The following MECOM variants were observed in gnomAD, a reference collection of about 807,000 sequenced individuals.
MECOM encodes the protein histone-lysine N-methyltransferase MECOM.
Under a neutral mutation model 116.3 loss-of-function variants are expected in MECOM, and 13 were observed. The ratio of observed to expected loss-of-function variants is 0.11; its 90% CI spans 0.07 to 0.18. MECOM has a LOEUF of 0.18. Ranked by LOEUF, MECOM falls within the 10% of genes least tolerant of loss-of-function variation. The pLI, the probability that MECOM is intolerant of heterozygous loss-of-function variation, is 1.00. For missense variants in MECOM, 1,299 were observed against 1,509.0 expected, an observed-to-expected ratio of 0.86 and a Z score of 2.31; for synonymous variants, 528 against 535.2, an observed-to-expected ratio of 0.99 and a Z score of 0.19.
chr3:169,391,130 G>T (rs147987594), intron 1 of MECOM, among the ~76,000 whole-genome samples: 1 of 152,260 alleles, frequency 6.6e-6, no homozygotes, highest in Admixed American at 6.5e-5. Flanking sequence ...TTGTAGCAAT[G>T]GCTTGCTGGT....
chr3:169,597,200 A>C (rs1767242390), intron 1 of MECOM, among the ~76,000 whole-genome samples: 2 of 152,236 alleles, frequency 1.3e-5, no homozygotes, highest in Admixed American at 1.3e-4. Context: ...TACAGTAATA[A>C]TGCAATCCAC....
intron 11 of MECOM, among the ~76,000 whole-genome samples, 169 bp from the exon 12 acceptor site, chr3:169,101,131 A>G (rs1295199534): frequency 6.6e-6 from 1 of 150,998 alleles, no homozygotes; most frequent in African/African-American, 2.4e-5. Flanking sequence ...ATTAATATAA[A>G]TAACTCTACA....
At chr3:169,482,432 A>C (rs7615105) in intron 1 of MECOM, among the ~76,000 whole-genome samples, 10,625 of 151,078 alleles carry the variant, frequency 0.07, 639 homozygotes, top group East Asian at 0.25. Flanking sequence ...TCCGGGTTCA[A>C]GCCATTCTCC....
At chr3:169,322,073 C>T (rs223101) in intron 2 of MECOM, among the ~76,000 whole-genome samples, 55 of 152,278 alleles carry the variant, frequency 3.6e-4, no homozygotes, top group Admixed American at 1.4e-3. Flanking sequence ...ATGTGGCACC[C>T]CTTGTCAACA....
At chr3:169,097,341 G>A (rs935832579) in intron 12 of MECOM, among the ~76,000 whole-genome samples, 2 of 151,882 alleles carry the variant, frequency 1.3e-5, no homozygotes, top group African/African-American at 4.8e-5. Context: ...GTCTTGGCCA[G>A]AAAAAGAATG....
chr3:169,224,268 G>A (rs1276471829), intron 2 of MECOM, among the ~76,000 whole-genome samples: 1 of 152,164 alleles, frequency 6.6e-6, no homozygotes, highest in Non-Finnish European at 1.5e-5. Context: ...AAGGGGCCAA[G>A]GAGTATCTGT....
intron 1 of MECOM, among the ~76,000 whole-genome samples, chr3:169,515,288 C>T (rs554444808): frequency 1.3e-5 from 2 of 152,212 alleles, no homozygotes; most frequent in African/African-American, 4.8e-5. Context: ...TCCCAACTCA[C>T]TCACTCCATT....
chr3:169,296,559 G>T (rs1715643565), intron 2 of MECOM, among the ~76,000 whole-genome samples: 1 of 152,144 alleles, frequency 6.6e-6, no homozygotes, highest in Non-Finnish European at 1.5e-5. Context: ...AGCTACATGG[G>T]CAGAGTTTTC....
chr3:169,373,697 A>C lies in MECOM; in HGVS notation c.375+7490T>G, dbSNP rs1380377901. The stretch of plus-strand genomic sequence containing the variant: ...TGAGGCAGTTATTATTGACCCATTG[A>C]CCAAATAAAAAGCAGGGACCATTCA... On this transcript the variant is annotated intron_variant, in intron 2 of 16. Coordinates refer to ENST00000651503, the MANE Select transcript of MECOM (RefSeq NM_004991.4). Among the ~76,000 whole-genome samples the C allele has an allele frequency of 2.6e-5, 4 of 151,970 alleles. No homozygotes were observed. The East Asian group carries it at 7.7e-4, about 29-fold the overall frequency.
intron 3 of MECOM, among the ~76,000 whole-genome samples, chr3:169,139,821 AAGG>A (rs1411235144): frequency 6.6e-6 from 1 of 152,006 alleles, no homozygotes; most frequent in Non-Finnish European, 1.5e-5. Context: ...AGACTTATCA[AAGG>A]ATGGAGAGAG....
At chr3:169,559,019 A>G (rs1762344355) in intron 1 of MECOM, among the ~76,000 whole-genome samples, 1 of 148,346 alleles carries the variant, frequency 6.7e-6, no homozygotes, top group Non-Finnish European at 1.5e-5. Context: ...AAGCATCTAC[A>G]CACACACACA....
At chr3:169,143,607 G>T in intron 3 of MECOM, 91 bp downstream of exon 3, 1 of 1,274,464 alleles carries the variant, frequency 7.8e-7, no homozygotes, top group Non-Finnish European at 1.1e-6. Context: ...GGCCACAAGG[G>T]TCTACTGCAG....
At chr3:169,483,868 C>A (rs1307445816) in intron 1 of MECOM, 9 of 1,610,900 alleles carry the variant, frequency 5.6e-6, no homozygotes, top group African/African-American at 1.3e-5. Flanking sequence ...TTGCTCCTTT[C>A]GATGGTCACC....
intron 2 of MECOM, among the ~76,000 whole-genome samples, chr3:169,289,349 T>C (rs950279614): frequency 1.3e-5 from 2 of 152,164 alleles, no homozygotes. Context: ...TTGCATTAAC[T>C]TCATTGCCCA....
At chr3:169,166,579 A>G (rs1516498) in intron 2 of MECOM, among the ~76,000 whole-genome samples, 22,885 of 152,194 alleles carry the variant, frequency 0.15, 2,093 homozygotes, top group East Asian at 0.42. Context: ...TCAAATCAAT[A>G]TAAAACCAAA....
At chr3:169,195,028 G>T (rs1456654726) in intron 2 of MECOM, among the ~76,000 whole-genome samples, 1 of 152,014 alleles carries the variant, frequency 6.6e-6, no homozygotes, top group Non-Finnish European at 1.5e-5. Context: ...GCAAGTTATA[G>T]AACATCTTTC....
At chr3:169,639,823 T>C (rs1271697369) in intron 1 of MECOM, among the ~76,000 whole-genome samples, 2 of 152,230 alleles carry the variant, frequency 1.3e-5, no homozygotes, top group African/African-American at 4.8e-5. Flanking sequence ...ACCTATGACA[T>C]GCACTATATC....
intron 2 of MECOM, among the ~76,000 whole-genome samples, chr3:169,187,524 A>G (rs556297824): frequency 2.0e-5 from 3 of 152,210 alleles, no homozygotes; most frequent in African/African-American, 4.8e-5. Flanking sequence ...CTGTGGCAAT[A>G]TAGTTTCTGA....
At chr3:169,472,723 G>A (rs1205874518) in intron 1 of MECOM, among the ~76,000 whole-genome samples, 5 of 92,706 alleles carry the variant, frequency 5.4e-5, no homozygotes, top group South Asian at 6.7e-4. Context: ...AAGGGAGGGA[G>A]GGGGAAGGAA....
Sources: allele counts gnomAD v4.1 joint callset (sites outside exome capture counted in the v4.1 genomes callset), GRCh38; gene constraint gnomAD v4.1.1; transcripts MANE v1.5; gene names NCBI Gene and HGNC (gene_info 2026-07-23, HGNC 2026-07-21).